The following SLC8A1 variants were observed in gnomAD, a reference collection of about 807,000 sequenced individuals.
SLC8A1 encodes the protein sodium/calcium exchanger 1.
SLC8A1 carries 18 observed loss-of-function variants against 68.3 expected under a neutral mutation model. The observed-to-expected ratio is 0.26, with a 90% CI of 0.18 to 0.39. The LOEUF is 0.39. Among genes scored for constraint, SLC8A1 ranks in the 10% least tolerant of loss-of-function variants. The pLI is 1.00. For missense variants in SLC8A1, 985 were observed against 1,156.7 expected, an observed-to-expected ratio of 0.85 and a Z score of 2.15; for synonymous variants, 475 against 415.5, an observed-to-expected ratio of 1.14 and a Z score of -1.74.
intron 2 of SLC8A1, among the ~76,000 whole-genome samples, chr2:40,319,060 T>C (rs1011390141): frequency 1.3e-5 from 2 of 152,106 alleles, no homozygotes; most frequent in Admixed American, 6.6e-5. Context: ...AATACCCAGC[T>C]GAGAAGGTAA....
At chr2:40,336,984 T>A (rs1459582149) in intron 2 of SLC8A1, among the ~76,000 whole-genome samples, 3 of 152,132 alleles carry the variant, frequency 2.0e-5, no homozygotes, top group Non-Finnish European at 2.9e-5. Context: ...AAATTGATAT[T>A]CAGTAACTAG....
rs75501101 is a variant in SLC8A1 at position 40,318,077 on chromosome 2, T to C, written c.1808+110396A>G. On this transcript the variant is annotated intron_variant, in intron 2 of 7. Coordinates refer to ENST00000406785, the Ensembl canonical transcript of SLC8A1. Reference sequence around the variant, plus strand: ...AATATGGATTCACGGCAACAAGTACTATCACATGGAACACTTAATTATTTT... The same window carrying C: ...AATATGGATTCACGGCAACAAGTACCATCACATGGAACACTTAATTATTTT... Among the ~76,000 whole-genome samples the C allele has an allele frequency of 3.5e-3, 536 of 152,238 alleles. 5 individuals carry two copies. Among genetic ancestry groups the C allele is most frequent in the African/African-American group, 0.012 (508 of 41,568 alleles).
chr2:40,302,995 T>C (rs1244278375), intron 2 of SLC8A1, among the ~76,000 whole-genome samples: 1 of 152,176 alleles, frequency 6.6e-6, no homozygotes, highest in Non-Finnish European at 1.5e-5. Flanking sequence ...CATGGAGATC[T>C]AAACATTTAG....
intron 2 of SLC8A1, among the ~76,000 whole-genome samples, chr2:40,252,037 G>C (rs1388024077): frequency 2.6e-5 from 4 of 152,110 alleles, no homozygotes; most frequent in African/African-American, 9.7e-5. Context: ...TTACAAATCT[G>C]CTAAATTGTT....
At chr2:40,236,546 CTT>C (rs1364716467) in intron 2 of SLC8A1, among the ~76,000 whole-genome samples, 1 of 150,106 alleles carries the variant, frequency 6.7e-6, no homozygotes, top group Non-Finnish European at 1.5e-5. Flanking sequence ...GGTCTTGACT[CTT>C]TATCCAATTT....
At chr2:40,238,470 C>T (rs973527762) in intron 2 of SLC8A1, among the ~76,000 whole-genome samples, 3 of 152,040 alleles carry the variant, frequency 2.0e-5, no homozygotes, top group Non-Finnish European at 2.9e-5. Context: ...GGCTCGCACA[C>T]GGTGCGCGCA....
chr2:40,402,607 T>C (rs978325967), intron 2 of SLC8A1, among the ~76,000 whole-genome samples: 2 of 152,204 alleles, frequency 1.3e-5, no homozygotes, highest in Admixed American at 6.5e-5. Flanking sequence ...ACATAGGTGA[T>C]AAACAGAACT....
chr2:40,135,114 T>C (rs1159643378), intron 7 of SLC8A1, among the ~76,000 whole-genome samples: 1 of 152,024 alleles, frequency 6.6e-6, no homozygotes, highest in African/African-American at 2.4e-5. Context: ...AAAAGGCCCA[T>C]GGGCCCAAAG....
At chr2:40,322,838 A>G (rs995608698) in intron 2 of SLC8A1, among the ~76,000 whole-genome samples, 2 of 151,774 alleles carry the variant, frequency 1.3e-5, no homozygotes, top group Non-Finnish European at 2.9e-5. Flanking sequence ...ACACACACAC[A>G]CACACACACA....
At chr2:40,450,975 G>A (rs1246098552) in intron 1 of SLC8A1, among the ~76,000 whole-genome samples, 1 of 152,102 alleles carries the variant, frequency 6.6e-6, no homozygotes, top group Non-Finnish European at 1.5e-5. Flanking sequence ...GTGGTGGGGG[G>A]GATAGAGAAG....
chr2:40,232,375 T>C (rs1376761169), intron 2 of SLC8A1, among the ~76,000 whole-genome samples: 1 of 147,872 alleles, frequency 6.8e-6, no homozygotes, highest in Non-Finnish European at 1.5e-5. Flanking sequence ...AGATGGGGCA[T>C]GTGAATATGG....
intron 1 of SLC8A1, among the ~76,000 whole-genome samples, chr2:40,510,970 C>A (rs1457951723): frequency 6.6e-6 from 1 of 152,118 alleles, no homozygotes. Flanking sequence ...CATAAGTAGT[C>A]ATTTCATCTG....
Position 40,154,130 on chromosome 2 carries a change from C to T in SLC8A1, c.2161+6635G>A, listed in dbSNP as rs576176485. ...TGTGACCCTACACAAGTTACGTAAC[C>T]ACTCTGGGCCTCAGGATCCATAGTT... On this transcript the variant is annotated intron_variant, in intron 6 of 7. Coordinates refer to ENST00000406785, the Ensembl canonical transcript of SLC8A1. Among the ~76,000 whole-genome samples the T allele has an allele frequency of 8.5e-5, 13 of 152,086 alleles. No individual in the cohort carries two copies. The East Asian group carries it at 1.9e-3, about 23-fold the overall frequency.
chr2:40,192,433 C>T (rs1376365297), intron 2 of SLC8A1, among the ~76,000 whole-genome samples: 2 of 152,006 alleles, frequency 1.3e-5, no homozygotes, highest in East Asian at 3.9e-4. Flanking sequence ...ACTGCTAGAA[C>T]ATGAGCAAAT....
At chr2:40,397,684 G>C (rs561496283) in intron 2 of SLC8A1, among the ~76,000 whole-genome samples, 3 of 152,268 alleles carry the variant, frequency 2.0e-5, no homozygotes, top group Middle Eastern at 3.4e-3. Flanking sequence ...CCTACCCTGA[G>C]ACAAGTGGCA....
intron 2 of SLC8A1, among the ~76,000 whole-genome samples, chr2:40,385,924 T>G (rs1350097460): frequency 6.6e-6 from 1 of 151,188 alleles, no homozygotes; most frequent in African/African-American, 2.5e-5. Flanking sequence ...TACAAAGATT[T>G]GAGAGGTAGA....
chr2:40,464,188 C>T (rs1242789303), intron 1 of SLC8A1, among the ~76,000 whole-genome samples: 1 of 152,164 alleles, frequency 6.6e-6, no homozygotes, highest in Non-Finnish European at 1.5e-5. Flanking sequence ...AGCCACCACA[C>T]CTGGCCAAAA....
chr2:40,456,916 C>G (rs189602188), upstream of SLC8A1, among the ~76,000 whole-genome samples: 88 of 152,120 alleles, frequency 5.8e-4, no homozygotes, highest in Middle Eastern at 3.4e-3. Context: ...AGTACTTTTC[C>G]TCTCTGTAAT....
chr2:40,480,584 T>C (rs111726470), intron 1 of SLC8A1, among the ~76,000 whole-genome samples: 1,870 of 152,296 alleles, frequency 0.012, 28 homozygotes, highest in African/African-American at 0.042. Flanking sequence ...TGTTATAACA[T>C]CTTAAATGGA....
Sources: gnomAD v4.1 joint callset for allele counts (sites outside exome capture counted in the v4.1 genomes callset) on GRCh38, gnomAD v4.1.1 for gene constraint, MANE v1.5 for transcripts, NCBI Gene and HGNC (gene_info 2026-07-23, HGNC 2026-07-21) for gene names.